LRCH3: variants seen among roughly 807,000 people sequenced by gnomAD.
LRCH3 encodes the protein DISP complex protein LRCH3.
Under a neutral mutation model 104.5 loss-of-function variants are expected in LRCH3, and 68 were observed. That is an observed-to-expected ratio of 0.65 (90% CI 0.54 to 0.80). The LOEUF is 0.80. Ranked by LOEUF, LRCH3 falls within the 30% of genes least tolerant of loss-of-function variation. The probability of loss-of-function intolerance (pLI) is 0.00; values close to 1 mark genes in which losing one functional copy is unlikely to be tolerated. For synonymous variants in LRCH3, 344 were observed against 361.3 expected, an observed-to-expected ratio of 0.95 and a Z score of 0.54; for missense variants, 951 against 953.9, an observed-to-expected ratio of 1.00 and a Z score of 0.04.
intron 10 of LRCH3, 56 bp downstream of exon 10, chr3:197,839,453 G>C: frequency 8.5e-7 from 1 of 1,181,612 alleles, no homozygotes; most frequent in Non-Finnish European, 1.2e-6. Context: ...AGAGCATAAA[G>C]TAATTTTGGT....
intron 4 of LRCH3, chr3:197,823,125 T>C (rs1401152953): frequency 4.2e-4 from 3 of 7,142 alleles, no homozygotes; most frequent in African/African-American, 5.2e-4. Flanking sequence ...GCCCAGTTAA[T>C]TTTTTTTTTT....
chr3:197,870,732 CAGATTAGTG>C lies in LRCH3; in HGVS notation c.1992+455_1992+463del, dbSNP rs1198318536. Among the ~76,000 whole-genome samples the C allele has an allele frequency of 3.3e-3, 493 of 151,438 alleles. 1 individual carries two copies. Among genetic ancestry groups the C allele is most frequent in the African/African-American group, 0.011 (462 of 41,246 alleles). ...TTCCGCGCCCGGCTGTAATTTTTAA[CAGATTAGTG>C]CTGGGATGGCAGGCGTGAGCTTCCG... On this transcript the variant is annotated intron_variant, in intron 18 of 20. Transcript: ENST00000425562.
intron 12 of LRCH3, chr3:197,850,297 A>C: frequency 1.1e-4 from 65 of 597,190 alleles, no homozygotes; most frequent in Non-Finnish European, 9.3e-5. Flanking sequence ...TTTTAAGTAC[A>C]TTATATATAT....
rs1237784301 is a variant in LRCH3, at chr3:197,885,327, C to G, written c.*1661C>G. 1 of 152,208 alleles carries G rather than the reference C, an allele frequency of 6.6e-6. No individual in the cohort carries two copies. The highest frequency in any genetic ancestry group is 6.5e-5 in the Admixed American group (1 of 15,276). The allele number at this position is 152,208 out of a possible 1,614,324, so 9.4% of individuals were successfully genotyped here. On this transcript the variant is annotated 3_prime_UTR_variant, in exon 21 of 21. Transcript: ENST00000425562. ...GAATTTAAGCACTTACAGCATCTTC[C>G]TAGCTGGGTGTGGTGGCTCACACCT...
rs986446261 is a variant in LRCH3 at position 197,805,155 on chromosome 3, A to C, written c.263-9753A>C. Among the ~76,000 whole-genome samples the C allele has an allele frequency of 8.5e-5, 13 of 152,302 alleles. No homozygotes were observed. In the East Asian group the frequency reaches 2.5e-3, roughly 29 times the overall value. ...TGATCTACCCGCCTTGGCCTCCCAA[A>C]GTGCTGGGATTACAGGCGTGAGCCA... On this transcript the variant is annotated intron_variant, in intron 1 of 20. Transcript: ENST00000425562.
Position 197,852,668 on chromosome 3 carries a change from T to C in LRCH3, c.1590+48T>C, listed in dbSNP as rs1271482238. The C allele has an allele frequency of 2.6e-6, 4 of 1,564,278 alleles. No homozygotes were observed. In the South Asian group the frequency reaches 3.3e-5, roughly 13 times the overall value. Reference sequence around the variant, plus strand: ...TCTTTGGAGTTGATTATTTTTGCAATGGAAATGAAATGTTTACATGTAATT... The same window carrying C: ...TCTTTGGAGTTGATTATTTTTGCAACGGAAATGAAATGTTTACATGTAATT... On this transcript the variant is annotated intron_variant, in intron 13 of 20. Transcript: ENST00000425562.
intron 20 of LRCH3, chr3:197,880,669 T>G: frequency 6.5e-7 from 1 of 1,536,834 alleles, no homozygotes; most frequent in Non-Finnish European, 8.7e-7. Context: ...TGTACTGTGA[T>G]GTTAACTCTC....
intron 19 of LRCH3, 34 bp from the exon 20 acceptor site, chr3:197,875,664 T>C: frequency 6.7e-7 from 1 of 1,498,502 alleles, no homozygotes; most frequent in Non-Finnish European, 9.0e-7. Flanking sequence ...AAACAAAACT[T>C]CTCTAGTAAC....
chr3:197,870,273 C>T lies in LRCH3; in HGVS notation c.1987C>T (p.Arg663Cys), dbSNP rs141761986. The T allele has an allele frequency of 2.1e-4, 335 of 1,612,206 alleles. 2 individuals are homozygous for T. The East Asian group carries it at 3.4e-3, about 16-fold the overall frequency. ...EEELELIDQL[R>C]KHIEYRLKVS... ...AGAGCTGGAATTAATAGACCAACTGCGTAAAGTATGTACATTACCTTTGAT... is the reference window on the plus strand; with the variant it reads ...AGAGCTGGAATTAATAGACCAACTGTGTAAAGTATGTACATTACCTTTGAT... The change falls in exon 18 of 21, where the codon CGT (arginine) becomes TGT (cysteine). Residue 663 changes from arginine (R) to cysteine (C), a missense_variant. Transcript: ENST00000425562.
At position 197,839,335 on chromosome 3, in the gene LRCH3, G is replaced by C. The variant is rs375044345; in HGVS notation, c.1266G>C (p.Lys422Asn). 4.7e-5 allele frequency: 75 copies of C among 1,597,512 alleles called. No individual in the cohort carries two copies. In the African/African-American group the frequency reaches 7.6e-4, roughly 16 times the overall value. Residue 422 changes from lysine (K) to asparagine (N), a missense_variant, in exon 10 of 21, where the codon AAG becomes AAC. Physicochemically the swap from Lys to Asn is moderately conservative, Grantham distance 94. Coordinates refer to ENST00000425562, the MANE Select transcript of LRCH3 (RefSeq NM_001365715.1). ...CTCTGGCCTAGGGTTCACCAGTAAA[G>C]CCAGTAGCCATTAGGGAGTTTCAAA... is the stretch of plus-strand genomic sequence containing the variant. Reference protein sequence around the residue: ...RRISHEGSPVKPVAIREFQKT... With the variant: ...RRISHEGSPVNPVAIREFQKT...
intron 18 of LRCH3, among the ~76,000 whole-genome samples, 164 bp downstream of exon 18, chr3:197,870,442 T>C (rs1231766588): frequency 6.6e-6 from 1 of 152,188 alleles, no homozygotes; most frequent in Non-Finnish European, 1.5e-5. Flanking sequence ...CCTGGCTCAC[T>C]GCAGCCTATG....
Position 197,827,019 on chromosome 3 carries a change from A to G in LRCH3, c.777+5A>G. ...CTACAATCACCTCCTGCACAGGTAA[A>G]CCATAGTGGAAGCATCAGGTAAACC... is the stretch of plus-strand genomic sequence containing the variant. On this transcript the variant is annotated splice_donor_5th_base_variant and intron_variant, in intron 5 of 20. Coordinates refer to ENST00000425562, the MANE Select transcript of LRCH3 (RefSeq NM_001365715.1). 6.2e-7 allele frequency: 1 copy of G among 1,612,980 alleles called. No homozygotes were observed. The highest frequency in any genetic ancestry group is 8.5e-7 in the Non-Finnish European group (1 of 1,179,600).
intron 7 of LRCH3, 168 bp downstream of exon 7, chr3:197,831,031 C>T (rs1262082445): frequency 1.8e-6 from 1 of 542,218 alleles, no homozygotes; most frequent in Non-Finnish European, 3.3e-6. Context: ...CATTCTGCGT[C>T]CTTACCGGCT....
intron 17 of LRCH3, 101 bp downstream of exon 17, chr3:197,866,320 C>A: frequency 1.3e-6 from 1 of 767,104 alleles, no homozygotes; most frequent in Non-Finnish European, 2.3e-6. Context: ...TAGTATAAGA[C>A]AAAGCTATCA....
At chr3:197,843,185 A>G (rs560272726) in intron 10 of LRCH3, among the ~76,000 whole-genome samples, 26 of 152,232 alleles carry the variant, frequency 1.7e-4, no homozygotes, top group Middle Eastern at 3.4e-3. Context: ...AAAGTGTGTT[A>G]TAGCTTCTAT....
At chr3:197,820,900 G>A (rs1734425147) in intron 4 of LRCH3, among the ~76,000 whole-genome samples, 1 of 152,050 alleles carries the variant, frequency 6.6e-6, no homozygotes, top group African/African-American at 2.4e-5. Context: ...TACCTCCAGT[G>A]TTTGAAATCT....
intron 9 of LRCH3, 112 bp downstream of exon 9, chr3:197,835,934 C>A: frequency 8.5e-7 from 1 of 1,178,336 alleles, no homozygotes; most frequent in Non-Finnish European, 1.2e-6. Context: ...TAATTGTTTT[C>A]ATTATGTTCA....
intron 16 of LRCH3, 60 bp downstream of exon 16, chr3:197,865,531 T>A: frequency 1.9e-6 from 2 of 1,071,222 alleles, no homozygotes; most frequent in Non-Finnish European, 2.6e-6. Flanking sequence ...TTTTTTTATT[T>A]AAAAAATAAT....
intron 10 of LRCH3, among the ~76,000 whole-genome samples, chr3:197,846,549 A>AC (rs1738751339): frequency 1.3e-5 from 2 of 151,332 alleles, no homozygotes; most frequent in African/African-American, 4.9e-5. Context: ...AAAATTAAAA[A>AC]AAAAAAAACA....
Sources: allele counts gnomAD v4.1 joint callset (sites outside exome capture counted in the v4.1 genomes callset), GRCh38; gene constraint gnomAD v4.1.1; transcripts MANE v1.5; gene names NCBI Gene and HGNC (gene_info 2026-07-23, HGNC 2026-07-21).